Variants in RBPJ observed in about 807,000 individuals in gnomAD.
RBPJ encodes recombining binding protein suppressor of hairless.
In RBPJ, 9 loss-of-function variants were observed where a neutral mutation model predicts 67.8. The observed-to-expected ratio is 0.13, with a 90% confidence interval of 0.08 to 0.23. The LOEUF (loss-of-function observed/expected upper bound fraction) is 0.23. Among genes scored for constraint, RBPJ ranks in the 10% least tolerant of loss-of-function variants. The probability of loss-of-function intolerance (pLI) is 1.00; values close to 1 mark genes in which losing one functional copy is unlikely to be tolerated. For missense variants in RBPJ, 305 were observed against 595.6 expected (o/e 0.51, Z 5.08); for synonymous variants, 198 against 203.3 (o/e 0.97, Z 0.22).
At chr4:26,222,499 A>G (rs1249812224) in intron 1 of RBPJ, among the ~76,000 whole-genome samples, 1 of 150,262 alleles carries the variant, frequency 6.7e-6, no homozygotes, top group Middle Eastern at 3.2e-3. Context: ...AATCTCAAAA[A>G]AAAAAAAAAA....
chr4:26,319,072 G>T (rs1490764315), upstream of RBPJ, among the ~76,000 whole-genome samples: 1 of 149,216 alleles, frequency 6.7e-6, no homozygotes, highest in Non-Finnish European at 1.5e-5. Context: ...TTGTTTCAAA[G>T]TAAGCGAAGT....
chr4:26,120,459 T>C, the RBPJ span, among the ~76,000 whole-genome samples: 2 of 152,210 alleles, frequency 1.3e-5, no homozygotes, highest in African/African-American at 4.8e-5. Flanking sequence ...CTCTATTTTT[T>C]TCTTGAGAGA....
chr4:26,281,180 TCA>T (rs983172974), intron 1 of RBPJ, among the ~76,000 whole-genome samples: 19 of 152,342 alleles, frequency 1.2e-4, no homozygotes, highest in African/African-American at 4.6e-4. Context: ...TTTAATTGAC[TCA>T]CAGTTCCGCA....
At chr4:26,265,294 T>C (rs1042386339) in intron 1 of RBPJ, among the ~76,000 whole-genome samples, 1 of 152,138 alleles carries the variant, frequency 6.6e-6, no homozygotes, top group East Asian at 1.9e-4. Context: ...TTTGGGAGGC[T>C]GAGGCCGGCC....
At chr4:26,279,716 C>G (rs969536423) in intron 1 of RBPJ, among the ~76,000 whole-genome samples, 6 of 151,782 alleles carry the variant, frequency 4.0e-5, no homozygotes, top group Admixed American at 2.0e-4. Context: ...TTTTTGCATG[C>G]CACAATTAAA....
chr4:26,222,339 C>CA (rs1355366772), intron 1 of RBPJ, among the ~76,000 whole-genome samples: 5 of 151,712 alleles, frequency 3.3e-5, no homozygotes, highest in Non-Finnish European at 5.9e-5. Flanking sequence ...ACTAAAAATA[C>CA]AAAAAATTAG....
upstream of RBPJ, among the ~76,000 whole-genome samples, chr4:26,161,164 A>T (rs2109106514): frequency 6.6e-6 from 1 of 152,306 alleles, no homozygotes; most frequent in African/African-American, 2.4e-5. Context: ...ACTGTCTCCC[A>T]CAGGTTGCTG....
At chr4:26,201,563 C>T (rs1390931085) in intron 1 of RBPJ, among the ~76,000 whole-genome samples, 1 of 152,148 alleles carries the variant, frequency 6.6e-6, no homozygotes, top group African/African-American at 2.4e-5. Flanking sequence ...CCACCGTTCT[C>T]CCACTTTTAC....
chr4:26,241,429 A>G (rs1238427247), intron 1 of RBPJ, among the ~76,000 whole-genome samples: 1 of 152,188 alleles, frequency 6.6e-6, no homozygotes, highest in Non-Finnish European at 1.5e-5. Flanking sequence ...GGAACAGTTT[A>G]ACGTGATTTA....
At chr4:26,125,683 C>A in the RBPJ span, among the ~76,000 whole-genome samples, 1 of 151,950 alleles carries the variant, frequency 6.6e-6, no homozygotes, top group Non-Finnish European at 1.5e-5. Context: ...CCTGTAATCC[C>A]AGCTACTCAG....
rs1407569936 is a variant in RBPJ, at chr4:26,293,821, G to A, written c.-166-68625G>A. Reference sequence around the variant, plus strand: ...CACCAAGGCTGGAGTGCAGTGGCACGATCTCTGCTCACTGCAACCTCTGCC... The same window carrying A: ...CACCAAGGCTGGAGTGCAGTGGCACAATCTCTGCTCACTGCAACCTCTGCC... On this transcript the variant is annotated intron_variant, in intron 1 of 4. Coordinates refer to the RBPJ transcript ENST00000512351. 3.3e-5 allele frequency among the ~76,000 whole-genome samples: 5 copies of A among 151,742 alleles called. 1 individual carries two copies. Among genetic ancestry groups the A allele is most frequent in the Middle Eastern group, 6.9e-3 (2 of 290 alleles).
At chr4:26,331,707 T>C (rs1724284204) in intron 1 of RBPJ, among the ~76,000 whole-genome samples, 1 of 152,210 alleles carries the variant, frequency 6.6e-6, no homozygotes. Flanking sequence ...CACACCTCCT[T>C]ATCCACTCTG....
chr4:26,278,560 G>T (rs979772791), intron 1 of RBPJ, among the ~76,000 whole-genome samples: 1 of 152,186 alleles, frequency 6.6e-6, no homozygotes, highest in South Asian at 2.1e-4. Context: ...CATTGCTATC[G>T]GTTTTCTACA....
At chr4:26,337,763 T>C (rs1725022346) in intron 1 of RBPJ, among the ~76,000 whole-genome samples, 1 of 148,238 alleles carries the variant, frequency 6.7e-6, no homozygotes, top group Non-Finnish European at 1.5e-5. Context: ...CATAGCTCAC[T>C]GCAGCCTCAA....
At chr4:26,109,558 C>CCT in the RBPJ span, among the ~76,000 whole-genome samples, 117 of 30,108 alleles carry the variant, frequency 3.9e-3, 35 homozygotes, top group Admixed American at 0.023. Context: ...TGTCCACCTT[C>CCT]CTCTCTCTCT....
the RBPJ span, among the ~76,000 whole-genome samples, chr4:26,129,382 G>T: frequency 6.6e-6 from 1 of 152,176 alleles, no homozygotes; most frequent in African/African-American, 2.4e-5. Context: ...ACACATTGGT[G>T]TTGTACATCT....
the RBPJ span, among the ~76,000 whole-genome samples, chr4:26,114,433 G>A: frequency 7.0e-6 from 1 of 143,764 alleles, no homozygotes; most frequent in Non-Finnish European, 1.5e-5. Flanking sequence ...CTCCAGCCCA[G>A]GCAACAAGAG....
At chr4:26,343,987 GTGATCCACC>G (rs746065542) in intron 1 of RBPJ, among the ~76,000 whole-genome samples, 104 of 152,024 alleles carry the variant, frequency 6.8e-4, no homozygotes, top group Non-Finnish European at 1.1e-3. Context: ...CTGGCCTCAA[GTGATCCACC>G]TGCCTTGGCC....
chr4:26,140,497 G>C, the RBPJ span, among the ~76,000 whole-genome samples: 1 of 152,232 alleles, frequency 6.6e-6, no homozygotes, highest in East Asian at 1.9e-4. Context: ...TCTATTCTCA[G>C]ACTGGATCTC....
Sources: gnomAD v4.1 joint callset for allele counts (sites outside exome capture counted in the v4.1 genomes callset) on GRCh38, gnomAD v4.1.1 for gene constraint, MANE v1.5 for transcripts, NCBI Gene and HGNC (gene_info 2026-07-23, HGNC 2026-07-21) for gene names.